L1CAM: variants seen among roughly 807,000 people sequenced by gnomAD.
L1CAM encodes neural cell adhesion molecule L1.
L1CAM carries 8 observed loss-of-function variants against 93.0 expected under a neutral mutation model. The ratio of observed to expected loss-of-function variants is 0.09; its 90% CI spans 0.05 to 0.16. The LOEUF is 0.16. L1CAM is among the 10% of genes least tolerant of loss of function. The probability of loss-of-function intolerance (pLI) is 1.00; values close to 1 mark genes in which losing one functional copy is unlikely to be tolerated. For missense variants in L1CAM, 777 were observed against 1,073.4 expected (o/e 0.72, Z 3.86); for synonymous variants, 453 against 453.0 (o/e 1.00, Z 0.00).
rs782110886 is a variant in L1CAM at position 153,862,822 on chromosome X, G to A, written c.3615C>T (p.Asp1205=). ...TGCCCCCATAATCGGCCAGGCTGTCGTCACTGCCCAGGGGCTTGATGTCCC... is the reference window on the plus strand; with the variant it reads ...TGCCCCCATAATCGGCCAGGCTGTCATCACTGCCCAGGGGCTTGATGTCCC... ...LNGDIKPLGS[D]DSLADYGGSV... is the part of the protein sequence containing the mutation. Residue 1205 remains aspartate, a synonymous_variant, in exon 29 of 29, where the codon GAC becomes GAT. Transcript: ENST00000370060. 22 of 1,212,158 alleles carry A rather than the reference G, an allele frequency of 1.8e-5. No homozygotes were observed. The highest frequency in any genetic ancestry group is 2.3e-4 in the Middle Eastern group (1 of 4,353).
In L1CAM at chrX:153,870,227, T is replaced by C. The variant is rs1557092619; in HGVS notation, c.820A>G (p.Ile274Val). Residue 274 changes from isoleucine (I) to valine (V), a missense_variant, in exon 9 of 29, where the codon ATC (isoleucine) becomes GTC (valine). This residue lies in a region of L1CAM where 574 missense variants were observed against 781.0 expected (regional missense o/e 0.73). Transcript: ENST00000370060. ...CIAEGFPTPT[I>V]KWLRPSGPMP... ...GGGCCACTGGGGCGCAGCCATTTGATGGTGGGCGTGGGACTGCCCGGGAGG... is the reference window on the plus strand; with the variant it reads ...GGGCCACTGGGGCGCAGCCATTTGACGGTGGGCGTGGGACTGCCCGGGAGG... 8.3e-7 allele frequency: 1 copy of C among 1,210,862 alleles called. No individual in the cohort carries two copies. Among genetic ancestry groups the C allele is most frequent in the East Asian group, 3.0e-5 (1 of 33,815 alleles).
chrX:153,866,285 C>T (rs1471517561), intron 19 of L1CAM, among the ~76,000 whole-genome samples: 1 of 99,956 alleles, frequency 1.0e-5, no homozygotes, highest in Non-Finnish European at 2.0e-5. Context: ...TGCACTCCAG[C>T]CTGGATGACA....
intron 2 of L1CAM, 195 bp downstream of exon 2, chrX:153,875,566 C>T: frequency 1.9e-6 from 1 of 516,295 alleles, no homozygotes; most frequent in Admixed American, 2.6e-5. Context: ...GGTCCTGACA[C>T]GCCCCGCACC....
chrX:153,868,973 G>A (rs1427090984), intron 11 of L1CAM, 21 bp from the exon 12 acceptor site: 3 of 1,148,547 alleles, frequency 2.6e-6, no homozygotes, highest in Non-Finnish European at 3.6e-6. Flanking sequence ...AACAGCCTCA[G>A]GAGACAGGGC....
At chrX:153,880,497 A>G in intron 1 of L1CAM, 1 of 253,632 alleles carries the variant, frequency 3.9e-6, no homozygotes, top group Admixed American at 4.9e-5. Flanking sequence ...CTGGGGGCTC[A>G]GCACAGGGCA....
chrX:153,868,407 G>A lies in L1CAM; in HGVS notation c.1598C>T (p.Ser533Phe). 8.3e-7 allele frequency: 1 copy of A among 1,211,611 alleles called. No individual in the cohort carries two copies. The highest frequency in any genetic ancestry group is 1.1e-6 in the Non-Finnish European group (1 of 895,363). Residue 533 changes from serine to phenylalanine, a missense_variant, in exon 14 of 29, where the codon TCC becomes TTC. By Grantham distance (155) the Ser-to-Phe change is radical. Around this residue, in one of 5 missense-constraint regions of L1CAM, gnomAD observed 574 missense variants for 781.0 expected, o/e 0.73. Transcript: ENST00000370060. ...GGCCTGGCACGTGAAGGTCACCCTG[G>A]AACCTTTCTTCTCGATTGTGCTGCG... Reference protein sequence around the residue: ...GPRSTIEKKGSRVTFTCQASF... With the variant: ...GPRSTIEKKGFRVTFTCQASF...
At chrX:153,866,332 G>A (rs1195164114) in intron 19 of L1CAM, among the ~76,000 whole-genome samples, 5 of 98,037 alleles carry the variant, frequency 5.1e-5, no homozygotes, top group Admixed American at 1.1e-4. Context: ...AAAAAAGAAA[G>A]AAAAGAAAAG....
intron 1 of L1CAM, among the ~76,000 whole-genome samples, chrX:153,876,830 C>T (rs1476799107): frequency 9.5e-6 from 1 of 105,527 alleles, no homozygotes; most frequent in Non-Finnish European, 1.9e-5. Flanking sequence ...CCCGTCTCTA[C>T]TAAAAATACA....
At chrX:153,885,486 A>C in intron 1 of L1CAM, 10 of 837,021 alleles carry the variant, frequency 1.2e-5, no homozygotes, top group African/African-American at 2.1e-5. Flanking sequence ...AAGGAGGAGA[A>C]CAAAGCCCCC....
chrX:153,882,147 A>T (rs1441224353), intron 1 of L1CAM, among the ~76,000 whole-genome samples: 1 of 111,547 alleles, frequency 9.0e-6, no homozygotes, highest in Non-Finnish European at 1.9e-5. Flanking sequence ...GGCCCCCTCC[A>T]GGGGCCCCAC....
chrX:153,871,036 C>G, intron 6 of L1CAM, 21 bp downstream of exon 6: 7 of 1,211,229 alleles, frequency 5.8e-6, no homozygotes, highest in Non-Finnish European at 7.8e-6. Context: ...CCCCACGAGG[C>G]AGCCGCTCGC....
At chrX:153,876,181 A>C (rs905735271) in intron 1 of L1CAM, 2 of 418,356 alleles carry the variant, frequency 4.8e-6, no homozygotes, top group East Asian at 3.9e-5. Context: ...TTCCCTCTCT[A>C]CTCTCTGTCT....
At chrX:153,868,758 C>G in intron 12 of L1CAM, 31 bp from the exon 13 acceptor site, 2 of 1,209,839 alleles carry the variant, frequency 1.7e-6, no homozygotes, top group Non-Finnish European at 2.2e-6. Context: ...CTGGCTCTGA[C>G]TGGCTGGCCT....
intron 19 of L1CAM, 121 bp from the exon 20 acceptor site, chrX:153,865,940 G>A (rs1371752466): frequency 1.7e-5 from 9 of 524,549 alleles, no homozygotes; most frequent in African/African-American, 4.6e-5. Context: ...AGTTTGAGGA[G>A]GAGAGGTGTG....
intron 24 of L1CAM, 42 bp from the exon 25 acceptor site, chrX:153,864,519 C>G (rs1569544632): frequency 8.3e-7 from 1 of 1,208,725 alleles, no homozygotes; most frequent in Admixed American, 2.2e-5. Context: ...AGTCGGAGTG[C>G]CAGGCAACCC....
At chrX:153,870,032 G>GCCACTGTC in intron 9 of L1CAM, 24 bp downstream of exon 9, 1 of 1,209,289 alleles carries the variant, frequency 8.3e-7, no homozygotes, top group African/African-American at 1.7e-5. Context: ...GGCATCACAG[G>GCCACTGTC]CCACTGTCCC....
At chrX:153,868,280 C>T (rs1557091746) in intron 14 of L1CAM, 22 bp downstream of exon 14, 3 of 1,211,625 alleles carry the variant, frequency 2.5e-6, no homozygotes, top group Non-Finnish European at 3.4e-6. Context: ...ACTCTGCCCC[C>T]TTTCACCGTC....
chrX:153,880,659 G>A lies in L1CAM; in HGVS notation c.-108-4715C>T, dbSNP rs186908002. ...TTTAAGGCTCCCGCTGGCCCTCCCC[G>A]CCCCGCTCCCCAGGCCGTGGCTGGC... On this transcript the variant is annotated intron_variant, in intron 1 of 28. Transcript: ENST00000370060. 592 of 339,760 alleles carry A rather than the reference G, an allele frequency of 1.7e-3. 1 individual carries two copies. Among genetic ancestry groups the A allele is most frequent in the African/African-American group, 0.014 (525 of 37,667 alleles). 28.0% of individuals were successfully genotyped at this position (339,760 alleles called of 1,213,427 possible).
rs782720258 is a variant in L1CAM at position 153,870,177 on chromosome X, G to A, written c.870C>T (p.Tyr290=). 5.8e-6 allele frequency: 7 copies of A among 1,210,875 alleles called. No homozygotes were observed. The Admixed American group carries it at 1.3e-4, about 23-fold the overall frequency. Residue 290 remains tyrosine, a synonymous_variant, in exon 9 of 29, where the codon TAC becomes TAT. Coordinates refer to ENST00000370060, the MANE Select transcript of L1CAM (RefSeq NM_001278116.2). The part of the protein sequence containing the change: ...SGPMPADRVT[Y]QNHNKTLQLL... ...GCTGCAGGGTCTTGTTGTGGTTCTG[G>A]TAGGTGACACGGTCGGCTGGCATGG...
Sources: gnomAD v4.1 joint callset for allele counts (sites outside exome capture counted in the v4.1 genomes callset) on GRCh38, gnomAD v4.1.1 for gene constraint, gnomAD v4.1.1 regional missense constraint, MANE v1.5 for transcripts, NCBI Gene and HGNC (gene_info 2026-07-23, HGNC 2026-07-21) for gene names.